FSCB: variants seen among roughly 807,000 people sequenced by gnomAD.
The protein encoded by FSCB is fibrous sheath CABYR binding protein, also known as fibrous sheath CABYR-binding protein.
For missense variants in FSCB, 975 were observed against 934.8 expected (o/e 1.04, Z -0.56); for synonymous variants, 331 against 336.6 (o/e 0.98, Z 0.18).
Position 44,504,187 on chromosome 14 carries a change from C to A in FSCB, c.*323G>T, listed in dbSNP as rs1002698061. 8.6e-5 allele frequency among the ~76,000 whole-genome samples: 13 copies of A among 152,004 alleles called. No homozygotes were observed. Among genetic ancestry groups the A allele is most frequent in the African/African-American group, 3.1e-4 (13 of 41,380 alleles). ...ACTATATTTACTTATAAAGGGAAGGCAAAGACAAGAAAAGATGGCTGCAGA... is the reference window on the plus strand; with the variant it reads ...ACTATATTTACTTATAAAGGGAAGGAAAAGACAAGAAAAGATGGCTGCAGA... On this transcript the variant is annotated 3_prime_UTR_variant, in exon 1 of 1. Transcript: ENST00000340446.
rs1011273513 is a variant in FSCB at position 44,504,390 on chromosome 14, G to C, written c.*120C>G. The stretch of plus-strand genomic sequence containing the variant: ...GTTCATTTTCCAACCTGTATTCCAA[G>C]TCTTGGGGTCCCCTTTAATTTGCCT... On this transcript the variant is annotated 3_prime_UTR_variant, in exon 1 of 1. Transcript: ENST00000340446. 9 of 640,336 alleles carry C rather than the reference G, an allele frequency of 1.4e-5. No individual in the cohort carries two copies. Among genetic ancestry groups the C allele is most frequent in the Non-Finnish European group, 2.1e-5 (8 of 381,364 alleles). The allele number at this position is 640,336 out of a possible 1,614,324, so 39.7% of individuals were successfully genotyped here. A position where few individuals can be genotyped will look rare whatever the true frequency, so the allele number is the denominator to read the frequency against.
In FSCB at chr14:44,505,765, G is replaced by T; in HGVS notation, c.1223C>A (p.Ala408Asp). The T allele has an allele frequency of 1.2e-6, 2 of 1,613,924 alleles. No homozygotes were observed. Among genetic ancestry groups the T allele is most frequent in the Non-Finnish European group, 1.7e-6 (2 of 1,179,990 alleles). ...PLPAEGALEE[A>D]PAKVEPPTVE... ...AGTGGGAGGCTCTACTTTAGCTGGG[G>T]CCTCTTCAAGGGCGCCCTCAGCTGG... Residue 408 changes from alanine (A) to aspartate (D), a missense_variant, in exon 1 of 1, where the codon GCC (alanine) becomes GAC (aspartate). Transcript: ENST00000340446.
At position 44,504,781 on chromosome 14, in the gene FSCB, G is replaced by C; in HGVS notation, c.2207C>G (p.Ala736Gly). 1.9e-6 allele frequency: 3 copies of C among 1,614,218 alleles called. No homozygotes were observed. Among genetic ancestry groups the C allele is most frequent in the South Asian group, 2.2e-5 (2 of 91,084 alleles). Residue 736 changes from alanine (A) to glycine (G), a missense_variant, in exon 1 of 1, where the codon GCT (alanine) becomes GGT (glycine). Coordinates refer to ENST00000340446, the MANE Select transcript of FSCB (RefSeq NM_032135.4). ...TTCAGATGGTGGAGGTGAAACTTCAGCAGAGGCCTCTCCTATAGGAAACTC... is the reference window on the plus strand; with the variant it reads ...TTCAGATGGTGGAGGTGAAACTTCACCAGAGGCCTCTCCTATAGGAAACTC... ...TEEFPIGEAS[A>G]EVSPPPSEQT...
Position 44,507,175 on chromosome 14 carries a change from GCTCCCTC to G in FSCB, c.-195_-189del. ...CCTTTCTTAGGTGTCATTCTGTTGA[GCTCCCTC>G]AGAAAAAAAGTAATTCATAAGCTAT... is the stretch of plus-strand genomic sequence containing the variant. On this transcript the variant is annotated 5_prime_UTR_variant, in exon 1 of 1. An upstream open reading frame in the 5' UTR loses its in-frame stop. Coordinates refer to ENST00000340446, the MANE Select transcript of FSCB (RefSeq NM_032135.4). The G allele has an allele frequency of 1.9e-6, 1 of 530,670 alleles. No homozygotes were observed. The allele number at this position is 530,670 out of a possible 1,614,324, so 32.9% of individuals were successfully genotyped here.
At chr14:44,505,665 CT>C in the FSCB span, 2 of 1,613,520 alleles carry the variant, frequency 1.2e-6, no homozygotes, top group African/African-American at 2.7e-5. Context: ...CTGTTGAAAG[CT>C]GAAGTTCTCG....
chr14:44,506,475 A>G lies in FSCB; in HGVS notation c.513T>C (p.Asp171=). The change falls in exon 1 of 1, where the codon GAT becomes GAC. Residue 171 remains aspartate, a synonymous_variant. Coordinates refer to ENST00000340446, the MANE Select transcript of FSCB (RefSeq NM_032135.4). ...CTTCCTTTGACTTTGTAGAAGAACT[A>G]TCTGGCCTGGAAATAACCACTATTT... ...ESEIVVISRP[D]SSSTKSKEDA... 6.2e-7 allele frequency: 1 copy of G among 1,614,212 alleles called. No individual in the cohort carries two copies. The highest frequency in any genetic ancestry group is 8.5e-7 in the Non-Finnish European group (1 of 1,180,034).
rs1465934422 is a variant in FSCB, at chr14:44,505,383, T to G, written c.1605A>C (p.Ala535=). The change falls in exon 1 of 1, where the codon GCA becomes GCC. Residue 535 remains alanine, a synonymous_variant. Coordinates refer to ENST00000340446, the MANE Select transcript of FSCB (RefSeq NM_032135.4). ...IQLLAAIEAP[A]DETPAEAQSP... ...ACTGAGCTTCAGCAGGAGTTTCATC[T>G]GCAGGAGCCTCTATAGCTGCTAGAA... is the stretch of plus-strand genomic sequence containing the variant. 1 of 1,612,630 alleles carries G rather than the reference T, an allele frequency of 6.2e-7. No homozygotes were observed.
Position 44,505,462 on chromosome 14 carries a change from T to G in FSCB, c.1526A>C (p.Gln509Pro). The G allele has an allele frequency of 6.2e-7, 1 of 1,612,296 alleles. No homozygotes were observed. Among genetic ancestry groups the G allele is most frequent in the East Asian group, 2.2e-5 (1 of 44,838 alleles). ...AGTGGTCTCTTCAGCTAATGGAGAT[T>G]GAACTTCAGCATGAGCCTCTTCTGC... ...TSAEEAHAEV[Q>P]SPLAEETTAE... The change falls in exon 1 of 1, where the codon CAA becomes CCA. Residue 509 changes from glutamine to proline, a missense_variant. Coordinates refer to ENST00000340446, the MANE Select transcript of FSCB (RefSeq NM_032135.4).
chr14:44,507,061 T>A lies in FSCB; in HGVS notation c.-74A>T. 9.0e-7 allele frequency: 1 copy of A among 1,111,308 alleles called. No homozygotes were observed. Among genetic ancestry groups the A allele is most frequent in the Non-Finnish European group, 1.3e-6 (1 of 782,980 alleles). The allele number at this position is 1,111,308 out of a possible 1,614,324, so 68.8% of individuals were successfully genotyped here. A position where few individuals can be genotyped will look rare whatever the true frequency, so the allele number is the denominator to read the frequency against. On this transcript the variant is annotated 5_prime_UTR_variant, in exon 1 of 1. Coordinates refer to ENST00000340446, the MANE Select transcript of FSCB (RefSeq NM_032135.4). ...GATAGGCTGATTAGAGTCATCACTT[T>A]CTTCCATTTCTAAGAGTAGTGATTT...
At position 44,506,715 on chromosome 14, in the gene FSCB, G is replaced by A. The variant is rs45586531; in HGVS notation, c.273C>T (p.Thr91=). 9.1e-3 allele frequency: 14,756 copies of A among 1,614,060 alleles called. 104 individuals carry two copies. Among genetic ancestry groups the A allele is most frequent in the Non-Finnish European group, 9.6e-3 (11,367 of 1,179,996 alleles). Residue 91 remains threonine, a synonymous_variant, in exon 1 of 1, where the codon ACC becomes ACT. Coordinates refer to ENST00000340446, the MANE Select transcript of FSCB (RefSeq NM_032135.4). ...EKKEVKLVEE[T]VVPEEKSADV... ...CAGCTGACTTTTCTTCAGGTACCAC[G>A]GTTTCCTCAACTAACTTGACTTCTT...
In FSCB at chr14:44,506,015, G is replaced by A; in HGVS notation, c.973C>T (p.Pro325Ser). 6.2e-7 allele frequency: 1 copy of A among 1,614,048 alleles called. No homozygotes were observed. ...ATTTCAGCAGGAAACTCCACTAAAG[G>A]GGCCTCTTCAGCAGGTGGAGGCTGA... ...KVQPPPAEEA[P>S]LVEFPAEIQP... Residue 325 changes from proline (P) to serine (S), a missense_variant, in exon 1 of 1, where the codon CCT becomes TCT. By Grantham distance (74) the Pro-to-Ser change is moderately conservative. Transcript: ENST00000340446.
At position 44,507,108 on chromosome 14, in the gene FSCB, A is replaced by G; in HGVS notation, c.-121T>C. On this transcript the variant is annotated 5_prime_UTR_variant, in exon 1 of 1. Transcript: ENST00000340446. ...ATTTCAAACTTATTAATTTTCAAGT[A>G]ATGACCAAAAATCACAAACGTACCA... is the stretch of plus-strand genomic sequence containing the variant. The G allele has an allele frequency of 1.3e-6, 1 of 784,066 alleles. No individual in the cohort carries two copies. Among genetic ancestry groups the G allele is most frequent in the South Asian group, 2.2e-5 (1 of 45,640 alleles). The allele number at this position is 784,066 out of a possible 1,614,324, so 48.6% of individuals were successfully genotyped here.
rs867061377 is a variant in FSCB, at chr14:44,506,497, A to G, written c.491T>C (p.Ile164Thr). The G allele has an allele frequency of 1.2e-6, 2 of 1,614,144 alleles. No homozygotes were observed. Among genetic ancestry groups the G allele is most frequent in the Non-Finnish European group, 1.7e-6 (2 of 1,180,016 alleles). Residue 164 changes from isoleucine (I) to threonine (T), a missense_variant, in exon 1 of 1, where the codon ATA becomes ACA. Ile to Thr is a moderately conservative substitution (Grantham distance 89). Transcript: ENST00000340446. ...ACTATCTGGCCTGGAAATAACCACT[A>G]TTTCTGATTCACTAAAGTATGTCTG... ...EQQTYFSESE[I>T]VVISRPDSSS...
rs773138383 is a variant in FSCB, at chr14:44,506,240, T to C, written c.748A>G (p.Lys250Glu). ...VPVVQEGSAV[K>E]KVASAEIEPP... ...TCTATTTCAGCAGAAGCCACTTTTT[T>C]AACAGCAGAACCTTCTTGTACAACA... The change falls in exon 1 of 1, where the codon AAA (lysine) becomes GAA (glutamate). Residue 250 changes from lysine (K) to glutamate (E), a missense_variant. Physicochemically the swap from Lys to Glu is moderately conservative, Grantham distance 56. Transcript: ENST00000340446. 28 of 1,614,180 alleles carry C rather than the reference T, an allele frequency of 1.7e-5. No individual in the cohort carries two copies. The South Asian group carries it at 3.0e-4, about 17-fold the overall frequency.
In FSCB at chr14:44,505,410, C is replaced by A; in HGVS notation, c.1578G>T (p.Gln526His). 1 of 1,612,308 alleles carries A rather than the reference C, an allele frequency of 6.2e-7. No homozygotes were observed. Among genetic ancestry groups the A allele is most frequent in the Non-Finnish European group, 8.5e-7 (1 of 1,179,944 alleles). Residue 526 changes from glutamine (Q) to histidine (H), a missense_variant, in exon 1 of 1, where the codon CAG becomes CAT. Physicochemically the swap from Gln to His is conservative, Grantham distance 24 (BLOSUM62 0). Coordinates refer to ENST00000340446, the MANE Select transcript of FSCB (RefSeq NM_032135.4). ...CAGGAGCCTCTATAGCTGCTAGAAG[C>A]TGAATTTCAGCAGAGGCCTCTTCTG... Reference protein sequence around the residue: ...TTAEEASAEIQLLAAIEAPAD... With the variant: ...TTAEEASAEIHLLAAIEAPAD...
rs1881119419 is a variant in FSCB at position 44,507,216 on chromosome 14, A to G, written c.-229T>C. 1 of 449,438 alleles carries G rather than the reference A, an allele frequency of 2.2e-6. No individual in the cohort carries two copies. Among genetic ancestry groups the G allele is most frequent in the South Asian group, 5.5e-5 (1 of 18,088 alleles). The allele number at this position is 449,438 out of a possible 1,614,324, so 27.8% of individuals were successfully genotyped here. A position where few individuals can be genotyped will look rare whatever the true frequency, so the allele number is the denominator to read the frequency against. ...AGTAATTCATAAGCTATTGCATTCC[A>G]TACTACACTCTTGTTGGATCCCACC... On this transcript the variant is annotated 5_prime_UTR_variant, in exon 1 of 1. The change abolishes an upstream ATG in the 5' untranslated region. Transcript: ENST00000340446.
In FSCB at chr14:44,504,297, G is replaced by C. The variant is rs1430706949; in HGVS notation, c.*213C>G. On this transcript the variant is annotated 3_prime_UTR_variant, in exon 1 of 1. Transcript: ENST00000340446. ...CAATTATAAACTTACTTTCAAAATA[G>C]GTATTTTTCATGCCATAAATTTGAA... 4 of 410,486 alleles carry C rather than the reference G, an allele frequency of 9.7e-6. No individual in the cohort carries two copies. Among genetic ancestry groups the C allele is most frequent in the Non-Finnish European group, 1.7e-5 (4 of 231,900 alleles). 25.4% of individuals were successfully genotyped at this position (410,486 alleles called of 1,614,324 possible). A position where few individuals can be genotyped will look rare whatever the true frequency, so the allele number is the denominator to read the frequency against.
At position 44,507,247 on chromosome 14, in the gene FSCB, C is replaced by T. The variant is rs1881119931; in HGVS notation, c.-260G>A. The stretch of plus-strand genomic sequence containing the variant: ...CACTCTTGTTGGATCCCACCTTATT[C>T]AGTAAGCGTCTTTCTTCTTTAGTCT... On this transcript the variant is annotated 5_prime_UTR_variant, in exon 1 of 1. Coordinates refer to ENST00000340446, the MANE Select transcript of FSCB (RefSeq NM_032135.4). The T allele has an allele frequency of 8.3e-6, 3 of 360,190 alleles. No individual in the cohort carries two copies. The South Asian group carries it at 3.0e-4, about 36-fold the overall frequency. The allele number at this position is 360,190 out of a possible 1,614,324, so 22.3% of individuals were successfully genotyped here.
chr14:44,504,266 T>G lies in FSCB; in HGVS notation c.*244A>C, dbSNP rs1182952356. On this transcript the variant is annotated 3_prime_UTR_variant, in exon 1 of 1. Coordinates refer to ENST00000340446, the MANE Select transcript of FSCB (RefSeq NM_032135.4). ...CTGTAGGAAGGATATTTTAAGCAAT[T>G]TTTTTCAATTATAAACTTACTTTCA... 1 of 339,470 alleles carries G rather than the reference T, an allele frequency of 2.9e-6. No individual in the cohort carries two copies. Among genetic ancestry groups the G allele is most frequent in the Admixed American group, 4.6e-5 (1 of 21,878 alleles). 21.0% of individuals were successfully genotyped at this position (339,470 alleles called of 1,614,324 possible).
Sources: allele counts gnomAD v4.1 joint callset (sites outside exome capture counted in the v4.1 genomes callset), GRCh38; gene constraint gnomAD v4.1.1; transcripts MANE v1.5; gene names NCBI Gene and HGNC (gene_info 2026-07-23, HGNC 2026-07-21).